Variants in TANGO6 observed in about 807,000 individuals in gnomAD.
TANGO6 encodes transport and golgi organization 6 homolog, also known as transport and Golgi organization protein 6 homolog.
Under a neutral mutation model 114.2 loss-of-function variants are expected in TANGO6, and 90 were observed. The ratio of observed to expected loss-of-function variants is 0.79; its 90% CI spans 0.66 to 0.94. The LOEUF (loss-of-function observed/expected upper bound fraction) is 0.94. Ranked by LOEUF, TANGO6 falls within the 40% of genes least tolerant of loss-of-function variation. TANGO6 has a pLI of 0.00. For missense variants in TANGO6, 1,274 were observed against 1,315.3 expected, an observed-to-expected ratio of 0.97 and a Z score of 0.49; for synonymous variants, 477 against 509.8, an observed-to-expected ratio of 0.94 and a Z score of 0.87.
In TANGO6 at chr16:68,880,581, T is replaced by C. The variant is rs1292985227; in HGVS notation, c.1328T>C (p.Ile443Thr). ...GAGAGTGACATGGTACCAGGAACTA[T>C]TTTGGTGACAGAAGAAGAACTTAGT... ...LSESDMVPGTILVTEEELSRC... is the reference protein window; with the variant it reads ...LSESDMVPGTTLVTEEELSRC... Residue 443 changes from isoleucine to threonine, a missense_variant, in exon 7 of 18, where the codon ATT (isoleucine) becomes ACT (threonine). This residue lies in a region of TANGO6 where 908 missense variants were observed against 910.2 expected (regional missense o/e 1.00). Coordinates refer to ENST00000261778, the MANE Select transcript of TANGO6 (RefSeq NM_024562.2). 2.5e-6 allele frequency: 4 copies of C among 1,612,838 alleles called. No individual in the cohort carries two copies. In the South Asian group the frequency reaches 4.4e-5, roughly 18 times the overall value.
At chr16:68,866,093 T>G (rs1040577711) in intron 3 of TANGO6, among the ~76,000 whole-genome samples, 1 of 152,088 alleles carries the variant, frequency 6.6e-6, no homozygotes, top group African/African-American at 2.4e-5. Context: ...CAGAGCTACA[T>G]TCAGAGATTG....
intron 17 of TANGO6, among the ~76,000 whole-genome samples, chr16:69,072,810 A>C (rs1960316673): frequency 6.6e-6 from 1 of 152,190 alleles, no homozygotes; most frequent in African/African-American, 2.4e-5. Flanking sequence ...AGGACACAGA[A>C]GTGCCCAGGG....
intron 11 of TANGO6, among the ~76,000 whole-genome samples, chr16:68,914,451 C>G (rs768097029): frequency 2.6e-5 from 4 of 152,124 alleles, no homozygotes; most frequent in Non-Finnish European, 5.9e-5. Context: ...CATGACCCAC[C>G]GCGCCTGGAC....
chr16:69,026,413 A>T (rs899026651), intron 16 of TANGO6: 7 of 173,362 alleles, frequency 4.0e-5, no homozygotes, highest in African/African-American at 1.7e-4. Flanking sequence ...CAGCCAAACC[A>T]GACCATGGAG....
At chr16:68,851,791 G>A (rs1454247575) in intron 1 of TANGO6, among the ~76,000 whole-genome samples, 2 of 152,184 alleles carry the variant, frequency 1.3e-5, no homozygotes, top group Non-Finnish European at 2.9e-5. Flanking sequence ...AACAATGTAT[G>A]AGAGTGTGTG....
chr16:68,971,729 T>G (rs551290183), intron 14 of TANGO6, among the ~76,000 whole-genome samples: 6 of 151,918 alleles, frequency 3.9e-5, no homozygotes, highest in Admixed American at 6.6e-5. Flanking sequence ...CCTCTGGGGT[T>G]CAAGCGATTC....
intron 17 of TANGO6, among the ~76,000 whole-genome samples, chr16:69,044,547 G>C (rs749822415): frequency 2.0e-5 from 3 of 152,056 alleles, no homozygotes; most frequent in Non-Finnish European, 4.4e-5. Flanking sequence ...GATATAGTAG[G>C]GGCACTGGCA....
In TANGO6 at chr16:68,909,122, C is replaced by T. The variant is rs180934710; in HGVS notation, c.1801-89C>T. ...AACACAGACTATTTATTTAAACATG[C>T]AGTTCAAACAGAGTTTTCTGCTTAT... is the stretch of plus-strand genomic sequence containing the variant. On this transcript the variant is annotated intron_variant, in intron 10 of 17. Transcript: ENST00000261778. 12 of 1,052,884 alleles carry T rather than the reference C, an allele frequency of 1.1e-5. No homozygotes were observed. The African/African-American group carries it at 1.5e-4, about 13-fold the overall frequency. The allele number at this position is 1,052,884 out of a possible 1,614,324, so 65.2% of individuals were successfully genotyped here.
intron 14 of TANGO6, among the ~76,000 whole-genome samples, chr16:68,956,960 C>G (rs770032784): frequency 1.3e-5 from 2 of 152,148 alleles, no homozygotes; most frequent in Non-Finnish European, 2.9e-5. Flanking sequence ...AAATCTCAAG[C>G]AGGGAATTAG....
At chr16:68,843,799 G>A in intron 1 of TANGO6, 88 bp downstream of exon 1, 1 of 1,295,416 alleles carries the variant, frequency 7.7e-7, no homozygotes, top group Non-Finnish European at 1.1e-6. Context: ...CGCAGCGTGC[G>A]CCCCTTAGGC....
At chr16:69,037,088 A>C (rs1250919647) in intron 16 of TANGO6, among the ~76,000 whole-genome samples, 2 of 148,374 alleles carry the variant, frequency 1.3e-5, no homozygotes, top group African/African-American at 5.0e-5. Context: ...GTGAGCTGAG[A>C]TCGTGCTACT....
chr16:69,069,849 A>G (rs1014786521), intron 17 of TANGO6, among the ~76,000 whole-genome samples: 21 of 152,122 alleles, frequency 1.4e-4, no homozygotes, highest in African/African-American at 4.8e-4. Context: ...GGGATCTTGG[A>G]TCTCGCGCAA....
At chr16:68,932,526 G>C (rs1050933142) in intron 14 of TANGO6, among the ~76,000 whole-genome samples, 1 of 152,186 alleles carries the variant, frequency 6.6e-6, no homozygotes, top group African/African-American at 2.4e-5. Flanking sequence ...GCTCATGCCT[G>C]TAATCCCAAG....
chr16:68,915,442 T>C (rs1325428651), intron 11 of TANGO6, among the ~76,000 whole-genome samples: 1 of 151,908 alleles, frequency 6.6e-6, no homozygotes, highest in Non-Finnish European at 1.5e-5. Context: ...AATTTTTTAA[T>C]TTTTTCTAGA....
chr16:68,995,055 C>T (rs756814329), intron 15 of TANGO6, among the ~76,000 whole-genome samples: 22 of 152,234 alleles, frequency 1.4e-4, no homozygotes, highest in Admixed American at 2.6e-4. Flanking sequence ...ACAATAGTTC[C>T]ACTATCAAGT....
intron 15 of TANGO6, among the ~76,000 whole-genome samples, chr16:69,015,492 AT>A (rs913602683): frequency 2.0e-5 from 3 of 151,346 alleles, no homozygotes; most frequent in Non-Finnish European, 4.4e-5. Context: ...TTATTTATTT[AT>A]TTATTTTAAA....
At chr16:68,986,613 C>A (rs1045415367) in intron 15 of TANGO6, among the ~76,000 whole-genome samples, 2 of 151,878 alleles carry the variant, frequency 1.3e-5, no homozygotes, top group African/African-American at 4.8e-5. Flanking sequence ...TTTTAGAAAA[C>A]GTATCATCTG....
chr16:68,912,434 G>A (rs1444578442), intron 11 of TANGO6, among the ~76,000 whole-genome samples: 1 of 152,010 alleles, frequency 6.6e-6, no homozygotes, highest in African/African-American at 2.4e-5. Context: ...AGGAGTTTGA[G>A]ACCAGCCTGG....
At chr16:69,074,731 C>T (rs1960345847) in intron 17 of TANGO6, among the ~76,000 whole-genome samples, 1 of 151,686 alleles carries the variant, frequency 6.6e-6, no homozygotes, top group East Asian at 1.9e-4. Flanking sequence ...TCTGGGAATG[C>T]AGCCCAGCAA....
Sources: allele counts gnomAD v4.1 joint callset (sites outside exome capture counted in the v4.1 genomes callset), GRCh38; gene constraint gnomAD v4.1.1; regional missense constraint gnomAD v4.1.1; transcripts MANE v1.5; gene names NCBI Gene and HGNC (gene_info 2026-07-23, HGNC 2026-07-21).